DTNB: variants seen among roughly 807,000 people sequenced by gnomAD.
DTNB encodes dystrobrevin beta.
In DTNB, 63 loss-of-function variants were observed where a neutral mutation model predicts 90.7. The observed-to-expected ratio is 0.69, with a 90% CI of 0.57 to 0.86. The LOEUF (loss-of-function observed/expected upper bound fraction) is 0.86, where lower values mean the gene tolerates loss of function less well. DTNB is among the 40% of genes least tolerant of loss of function. DTNB has a pLI of 0.00. For missense variants in DTNB, 744 were observed against 807.1 expected, an observed-to-expected ratio of 0.92 and a Z score of 0.95; for synonymous variants, 277 against 286.7, an observed-to-expected ratio of 0.97 and a Z score of 0.34.
intron 9 of DTNB, among the ~76,000 whole-genome samples, chr2:25,522,366 A>C (rs888731431): frequency 6.6e-6 from 1 of 152,212 alleles, no homozygotes; most frequent in Non-Finnish European, 1.5e-5. Flanking sequence ...CAAAACCAAA[A>C]CAAAACGCAA....
At chr2:25,413,160 A>G (rs2047007351) in intron 16 of DTNB, among the ~76,000 whole-genome samples, 1 of 152,228 alleles carries the variant, frequency 6.6e-6, no homozygotes, top group African/African-American at 2.4e-5. Flanking sequence ...TTAATAATTA[A>G]TAATAATACT....
intron 12 of DTNB, among the ~76,000 whole-genome samples, chr2:25,449,671 T>C (rs2058976108): frequency 6.6e-6 from 1 of 152,274 alleles, no homozygotes; most frequent in South Asian, 2.1e-4. Context: ...TGTCTTTTTA[T>C]TGCTGAGGTG....
chr2:25,555,344 A>T (rs2057143449), intron 8 of DTNB, among the ~76,000 whole-genome samples: 2 of 152,140 alleles, frequency 1.3e-5, no homozygotes, highest in South Asian at 4.1e-4. Context: ...CAAAATGTTA[A>T]AAAGCCAATA....
intron 2 of DTNB, among the ~76,000 whole-genome samples, chr2:25,650,622 C>A (rs2080693345): frequency 6.6e-6 from 1 of 152,116 alleles, no homozygotes; most frequent in South Asian, 2.1e-4. Flanking sequence ...GGGTCTTTCC[C>A]ATTAAAGTGA....
At chr2:25,514,895 C>T (rs1249546022) in intron 9 of DTNB, among the ~76,000 whole-genome samples, 3 of 152,034 alleles carry the variant, frequency 2.0e-5, no homozygotes, top group African/African-American at 7.2e-5. Context: ...GTTGGCCAGG[C>T]TGGTCTCCAA....
At chr2:25,500,068 T>A (rs1448953336) in intron 9 of DTNB, among the ~76,000 whole-genome samples, 3 of 152,098 alleles carry the variant, frequency 2.0e-5, no homozygotes, top group Admixed American at 1.3e-4. Flanking sequence ...TAATTTTTTT[T>A]ATTTTTATAT....
chr2:25,652,802 G>A, intron 1 of DTNB, 141 bp from the exon 2 acceptor site: 1 of 657,672 alleles, frequency 1.5e-6, no homozygotes, highest in Non-Finnish European at 2.4e-6. Flanking sequence ...TAAACTGGAA[G>A]CCTGATTCAG....
chr2:25,596,619 C>T (rs552402744), intron 5 of DTNB, among the ~76,000 whole-genome samples: 1 of 152,230 alleles, frequency 6.6e-6, no homozygotes, highest in African/African-American at 2.4e-5. Flanking sequence ...TTATATAAGA[C>T]ATATGCATGA....
intron 16 of DTNB, among the ~76,000 whole-genome samples, chr2:25,396,860 C>T (rs897119202): frequency 1.3e-5 from 2 of 151,478 alleles, no homozygotes; most frequent in Non-Finnish European, 2.9e-5. Flanking sequence ...TCCCCAGCTA[C>T]TTTTCCTATT....
At chr2:25,476,920 A>G (rs1404601387) in intron 10 of DTNB, among the ~76,000 whole-genome samples, 2 of 152,224 alleles carry the variant, frequency 1.3e-5, no homozygotes, top group African/African-American at 4.8e-5. Context: ...AATGCTATCA[A>G]ACAGCATCAC....
intron 15 of DTNB, among the ~76,000 whole-genome samples, chr2:25,419,853 T>C (rs950199730): frequency 1.3e-5 from 2 of 152,210 alleles, no homozygotes; most frequent in Admixed American, 1.3e-4. Context: ...AAGGTTCACA[T>C]AGCTATTTAG....
At chr2:25,632,666 CAG>C (rs369306552) in intron 3 of DTNB, among the ~76,000 whole-genome samples, 107 of 152,318 alleles carry the variant, frequency 7.0e-4, no homozygotes, top group African/African-American at 2.3e-3. Context: ...CCAGACTCTG[CAG>C]AGAGTCCCCA....
intron 16 of DTNB, among the ~76,000 whole-genome samples, chr2:25,406,071 G>T (rs2149685748): frequency 6.6e-6 from 1 of 152,270 alleles, no homozygotes; most frequent in Non-Finnish European, 1.5e-5. Context: ...GATATGGTGG[G>T]TGCTGATAAC....
chr2:25,398,676 CTG>C (rs1573844439), intron 16 of DTNB, among the ~76,000 whole-genome samples: 2 of 152,268 alleles, frequency 1.3e-5, no homozygotes, highest in South Asian at 4.1e-4. Context: ...ACACTTGACT[CTG>C]TTGATGGGAC....
At chr2:25,415,812 A>G (rs2047772303) in intron 16 of DTNB, among the ~76,000 whole-genome samples, 1 of 152,088 alleles carries the variant, frequency 6.6e-6, no homozygotes, top group Non-Finnish European at 1.5e-5. Context: ...TGGGGACTGA[A>G]GCTCCTGGAC....
At chr2:25,595,809 G>A (rs2064476457) in intron 6 of DTNB, among the ~76,000 whole-genome samples, 1 of 152,026 alleles carries the variant, frequency 6.6e-6, no homozygotes, top group Non-Finnish European at 1.5e-5. Context: ...TATATGTCCT[G>A]TAGCAAAAAT....
intron 18 of DTNB, among the ~76,000 whole-genome samples, chr2:25,386,962 C>T (rs376384045): frequency 2.0e-5 from 3 of 152,104 alleles, no homozygotes; most frequent in South Asian, 4.1e-4. Context: ...AGGGAGAGAG[C>T]GGCTGTGGAC....
intron 3 of DTNB, among the ~76,000 whole-genome samples, chr2:25,635,310 A>G (rs1367002395): frequency 1.3e-5 from 2 of 152,062 alleles, no homozygotes; most frequent in Non-Finnish European, 2.9e-5. Context: ...GGGCGCCTGT[A>G]GTTCCAGCTA....
chr2:25,487,993 T>C (rs1050591856), intron 9 of DTNB, among the ~76,000 whole-genome samples: 12 of 152,188 alleles, frequency 7.9e-5, no homozygotes, highest in African/African-American at 2.9e-4. Flanking sequence ...CAGATGCTGG[T>C]CTTTTATCAA....
Sources: allele counts gnomAD v4.1 joint callset (sites outside exome capture counted in the v4.1 genomes callset), GRCh38; gene constraint gnomAD v4.1.1; transcripts MANE v1.5; gene names NCBI Gene and HGNC (gene_info 2026-07-23, HGNC 2026-07-21).